DTHD1: variants seen among roughly 807,000 people sequenced by gnomAD.
DTHD1 encodes death domain containing 1.
Under a neutral mutation model 74.8 loss-of-function variants are expected in DTHD1, and 59 were observed. The observed-to-expected ratio is 0.79, with a 90% CI of 0.64 to 0.98. The LOEUF (loss-of-function observed/expected upper bound fraction) is 0.98. Ranked by LOEUF, DTHD1 falls within the 50% of genes least tolerant of loss-of-function variation. The pLI is 0.00. For missense variants in DTHD1, 1,051 were observed against 1,065.4 expected, an observed-to-expected ratio of 0.99 and a Z score of 0.19; for synonymous variants, 365 against 371.1, an observed-to-expected ratio of 0.98 and a Z score of 0.19.
rs946306637 is a variant in DTHD1 at position 36,344,276 on chromosome 4, C to T, written c.*452C>T. 6 of 166,362 alleles carry T rather than the reference C, an allele frequency of 3.6e-5. No individual in the cohort carries two copies. Among genetic ancestry groups the T allele is most frequent in the Admixed American group, 3.4e-4 (6 of 17,746 alleles). The allele number at this position is 166,362 out of a possible 1,614,324, so 10.3% of individuals were successfully genotyped here. A position where few individuals can be genotyped will look rare whatever the true frequency, so the allele number is the denominator to read the frequency against. On this transcript the variant is annotated 3_prime_UTR_variant, in exon 10 of 10. Transcript: ENST00000639862. ...TTATTTTGCCAAGGTTAAGGACAGG[C>T]CCGTAACAGCCTCAGAAGATCCTGA... is the stretch of plus-strand genomic sequence containing the variant.
intron 1 of DTHD1, 52 bp from the exon 2 acceptor site, chr4:36,283,924 A>G (rs1024868046): frequency 1.7e-5 from 21 of 1,246,346 alleles, no homozygotes; most frequent in Non-Finnish European, 2.2e-5. Flanking sequence ...CAGAAACATA[A>G]TTTGGTTTAG....
chr4:36,300,381 G>A (rs1011682404), intron 5 of DTHD1, among the ~76,000 whole-genome samples: 1 of 152,072 alleles, frequency 6.6e-6, no homozygotes, highest in African/African-American at 2.4e-5. Flanking sequence ...GTCATGTTCT[G>A]CTCACTTGAT....
At position 36,303,226 on chromosome 4, in the gene DTHD1, T is replaced by C. The variant is rs572363522; in HGVS notation, c.1644-2965T>C. 8.5e-5 allele frequency among the ~76,000 whole-genome samples: 13 copies of C among 152,364 alleles called. No homozygotes were observed. The South Asian group carries it at 2.3e-3, about 27-fold the overall frequency. Reference sequence around the variant, plus strand: ...TCAGACAATACTAGTTGTCAAACTTTGCAATTAGCATATATTAAGGAAATA... The same window carrying C: ...TCAGACAATACTAGTTGTCAAACTTCGCAATTAGCATATATTAAGGAAATA... On this transcript the variant is annotated intron_variant, in intron 5 of 9. Coordinates refer to ENST00000639862, the MANE Select transcript of DTHD1 (RefSeq NM_001170700.3).
chr4:36,312,142 T>C (rs115543852), intron 7 of DTHD1, among the ~76,000 whole-genome samples: 294 of 152,194 alleles, frequency 1.9e-3, no homozygotes, highest in African/African-American at 6.6e-3. Flanking sequence ...GATTATTGCA[T>C]GTTATTCAAG....
At position 36,345,270 on chromosome 4, in the gene DTHD1, C is replaced by T. The variant is rs530682505; in HGVS notation, c.*1446C>T. On this transcript the variant is annotated 3_prime_UTR_variant, in exon 10 of 10. Coordinates refer to ENST00000639862, the MANE Select transcript of DTHD1 (RefSeq NM_001170700.3). ...CTAAACCCCTCTTTCTATTGATAATCGCTATTAATGTCTAGTATAAGCTTT... is the reference window on the plus strand; with the variant it reads ...CTAAACCCCTCTTTCTATTGATAATTGCTATTAATGTCTAGTATAAGCTTT... The T allele has an allele frequency of 6.6e-5, 10 of 152,206 alleles. No individual in the cohort carries two copies. The highest frequency in any genetic ancestry group is 2.1e-4 in the South Asian group (1 of 4,818). 9.4% of individuals were successfully genotyped at this position (152,206 alleles called of 1,614,324 possible). A position where few individuals can be genotyped will look rare whatever the true frequency, so the allele number is the denominator to read the frequency against.
At chr4:36,301,494 A>G (rs138114833) in intron 5 of DTHD1, among the ~76,000 whole-genome samples, 3 of 152,224 alleles carry the variant, frequency 2.0e-5, no homozygotes, top group African/African-American at 7.2e-5. Context: ...AAAAGGAAAG[A>G]TGCAGAGAAG....
At chr4:36,320,111 T>C (rs1055143591) in intron 8 of DTHD1, among the ~76,000 whole-genome samples, 1 of 152,236 alleles carries the variant, frequency 6.6e-6, no homozygotes, top group African/African-American at 2.4e-5. Flanking sequence ...AGTCTTTTTT[T>C]CTGAAATATT....
intron 5 of DTHD1, among the ~76,000 whole-genome samples, chr4:36,303,067 T>C (rs534321620): frequency 6.6e-6 from 1 of 152,336 alleles, no homozygotes; most frequent in Admixed American, 6.5e-5. Context: ...AGATTAGTAC[T>C]GTCTGGGTGA....
intron 2 of DTHD1, among the ~76,000 whole-genome samples, chr4:36,288,704 A>G (rs868049543): frequency 6.6e-6 from 1 of 152,232 alleles, no homozygotes; most frequent in Middle Eastern, 3.4e-3. Context: ...ACATAACTGT[A>G]TTTTACTGTC....
At position 36,293,635 on chromosome 4, in the gene DTHD1, G is replaced by C. The variant is rs1181185650; in HGVS notation, c.1328G>C (p.Ser443Thr). The C allele has an allele frequency of 6.5e-7, 1 of 1,549,026 alleles. No individual in the cohort carries two copies. Among genetic ancestry groups the C allele is most frequent in the Admixed American group, 2.0e-5 (1 of 50,918 alleles). Reference protein sequence around the residue: ...VTKKGLALKSSMDSRISLNYP... With the variant: ...VTKKGLALKSTMDSRISLNYP... ...AAGAAAGGCCTCGCTCTTAAGTCAA[G>C]CATGGATTCCCGAATATCCTTAAAT... Residue 443 changes from serine (S) to threonine (T), a missense_variant, in exon 4 of 10, where the codon AGC (serine) becomes ACC (threonine). Coordinates refer to ENST00000639862, the MANE Select transcript of DTHD1 (RefSeq NM_001170700.3).
Position 36,294,977 on chromosome 4 carries a change from G to A in DTHD1, c.1581G>A (p.Glu527=), listed in dbSNP as rs2109464778. Residue 527 remains glutamate (E), a synonymous_variant, in exon 5 of 10, where the codon GAG becomes GAA. Transcript: ENST00000639862. ...TTGATAAAAACAACCTTGGTTCTGA[G>A]ATAGATCATAAAAGAAGAGCAAGTG... ...PYLDKNNLGS[E]IDHKRRASAT... 6.4e-7 allele frequency: 1 copy of A among 1,551,268 alleles called. No homozygotes were observed. The highest frequency in any genetic ancestry group is 8.7e-7 in the Non-Finnish European group (1 of 1,146,510).
intron 8 of DTHD1, among the ~76,000 whole-genome samples, chr4:36,321,149 G>C (rs945822736): frequency 6.6e-6 from 1 of 152,152 alleles, no homozygotes; most frequent in Non-Finnish European, 1.5e-5. Flanking sequence ...ACGTATAGTG[G>C]TGTCCTGGTA....
At chr4:36,321,713 C>A (rs1758046548) in intron 8 of DTHD1, among the ~76,000 whole-genome samples, 1 of 152,172 alleles carries the variant, frequency 6.6e-6, no homozygotes, top group African/African-American at 2.4e-5. Context: ...TTCCTGGTGG[C>A]AAAATAGTTG....
chr4:36,287,640 C>A (rs1186213161), intron 2 of DTHD1, among the ~76,000 whole-genome samples: 1 of 152,184 alleles, frequency 6.6e-6, no homozygotes, highest in Non-Finnish European at 1.5e-5. Context: ...ACATCCACAC[C>A]AACATCTTGT....
chr4:36,290,182 G>T (rs1410264394), intron 2 of DTHD1, among the ~76,000 whole-genome samples, 191 bp from the exon 3 acceptor site: 1 of 152,130 alleles, frequency 6.6e-6, no homozygotes, highest in Admixed American at 6.5e-5. Flanking sequence ...TAGGTATTAT[G>T]TTATCACCAT....
intron 7 of DTHD1, among the ~76,000 whole-genome samples, chr4:36,310,409 T>C (rs1028142541): frequency 1.3e-5 from 2 of 152,206 alleles, no homozygotes; most frequent in Non-Finnish European, 2.9e-5. Flanking sequence ...AATTTCTTTT[T>C]CATTAAGCCA....
At chr4:36,306,394 T>C in intron 6 of DTHD1, 42 bp downstream of exon 6, 1 of 1,499,050 alleles carries the variant, frequency 6.7e-7, no homozygotes, top group Non-Finnish European at 9.0e-7. Context: ...ATACTCTTTC[T>C]GATGGTCATA....
chr4:36,343,904 T>C lies in DTHD1; in HGVS notation c.*80T>C. The stretch of plus-strand genomic sequence containing the variant: ...TTCTGTCAACATTTTCCTGGAAGTT[T>C]CCGAATGATATTATTTGAAGTCAGT... On this transcript the variant is annotated 3_prime_UTR_variant, in exon 10 of 10. Coordinates refer to ENST00000639862, the MANE Select transcript of DTHD1 (RefSeq NM_001170700.3). The C allele has an allele frequency of 7.7e-7, 1 of 1,305,572 alleles. No homozygotes were observed. Among genetic ancestry groups the C allele is most frequent in the East Asian group, 2.5e-5 (1 of 39,548 alleles). The allele number at this position is 1,305,572 out of a possible 1,614,324, so 80.9% of individuals were successfully genotyped here.
rs1199244016 is a variant in DTHD1, at chr4:36,346,960, C to T, written c.*3136C>T. Among the ~76,000 whole-genome samples, 1 of 152,068 alleles carries T rather than the reference C, an allele frequency of 6.6e-6. No homozygotes were observed. Among genetic ancestry groups the T allele is most frequent in the Non-Finnish European group, 1.5e-5 (1 of 68,018 alleles). ...CAGTTCCCCTACATCCTGCTCTCCC[C>T]TTTTTAAAATAAAGCCTCCTTTTAT... is the stretch of plus-strand genomic sequence containing the variant. On this transcript the variant is annotated 3_prime_UTR_variant, in exon 10 of 10. Coordinates refer to ENST00000639862, the MANE Select transcript of DTHD1 (RefSeq NM_001170700.3).
Sources: allele counts gnomAD v4.1 joint callset (sites outside exome capture counted in the v4.1 genomes callset), GRCh38; gene constraint gnomAD v4.1.1; transcripts MANE v1.5; gene names NCBI Gene and HGNC (gene_info 2026-07-23, HGNC 2026-07-21).